NDUFAF6: variants seen among roughly 807,000 people sequenced by gnomAD.
NDUFAF6 encodes the protein NADH dehydrogenase (ubiquinone) complex I, assembly factor 6.
A neutral mutation model predicts 40.8 loss-of-function variants in NDUFAF6; 45 were observed. The observed-to-expected ratio is 1.10, with a 90% CI of 0.87 to 1.42. NDUFAF6 has a LOEUF of 1.42. Ranked by LOEUF, NDUFAF6 falls within the 40% of genes most tolerant of loss-of-function variation. The pLI, the probability that NDUFAF6 is intolerant of heterozygous loss-of-function variation, is 0.00. For missense variants in NDUFAF6, 435 were observed against 418.5 expected, an observed-to-expected ratio of 1.04 and a Z score of -0.34; for synonymous variants, 185 against 155.9, an observed-to-expected ratio of 1.19 and a Z score of -1.39.
chr8:95,116,689 T>G (rs1810143402), downstream of NDUFAF6, among the ~76,000 whole-genome samples: 1 of 152,154 alleles, frequency 6.6e-6, no homozygotes, highest in Non-Finnish European at 1.5e-5. Context: ...TATTTTGAAG[T>G]AAAAAGTACA....
At chr8:95,061,210 A>G (rs1003111928), downstream of NDUFAF6, among the ~76,000 whole-genome samples, 2 of 152,200 alleles carry the variant, frequency 1.3e-5, no homozygotes, top group Non-Finnish European at 2.9e-5. Flanking sequence ...TTTGTGAATA[A>G]AGTGACCACA....
downstream of NDUFAF6, among the ~76,000 whole-genome samples, chr8:95,105,804 T>G (rs1809827124): frequency 6.6e-6 from 1 of 151,286 alleles, no homozygotes; most frequent in Non-Finnish European, 1.5e-5. Flanking sequence ...CCTGGCCAAT[T>G]TTTGTATTTT....
rs117155997 is a variant in NDUFAF6 at position 94,936,714 on chromosome 8, T to C, written c.-935-8769T>C. ...GAAATTTGAGGGGTATATTAGGACA[T>C]GCCAGTGGCCATCAGAAGAACTCCC... On this transcript the variant is annotated intron_variant, in intron 1 of 14. Coordinates refer to the NDUFAF6 transcript ENST00000396113. Among the ~76,000 whole-genome samples, 647 of 152,208 alleles carry C rather than the reference T, an allele frequency of 4.3e-3. 26 individuals are homozygous for C. The East Asian group carries it at 0.092, about 22-fold the overall frequency.
At chr8:95,094,410 T>TA (rs1809376317) in intron 2 of NDUFAF6, among the ~76,000 whole-genome samples, 2 of 142,986 alleles carry the variant, frequency 1.4e-5, no homozygotes, top group African/African-American at 5.2e-5. Context: ...CTTTTTTTTT[T>TA]TTTTGGATTT....
intron 3 of NDUFAF6, among the ~76,000 whole-genome samples, chr8:95,037,151 T>G (rs1171972299): frequency 1.3e-5 from 2 of 152,270 alleles, no homozygotes; most frequent in Non-Finnish European, 2.9e-5. Flanking sequence ...CATTTCTCTG[T>G]ATGAATTTTA....
chr8:95,115,484 C>T (rs1437047028), intron 4 of NDUFAF6: 3 of 151,064 alleles, frequency 2.0e-5, no homozygotes, highest in African/African-American at 7.3e-5. Flanking sequence ...AAGAGTCTTG[C>T]TTCTCTGATT....
rs184975458 is a variant in NDUFAF6 at position 95,005,832 on chromosome 8, A to G, written c.-84+24859A>G. On this transcript the variant is annotated intron_variant, in intron 2 of 9. Transcript: ENST00000396111. ...ACCCCAACTGGACAGCTGGCTTCAT[A>G]TTTTAGTCTGTTAAGAGGAACCAGA... 1.1e-4 allele frequency among the ~76,000 whole-genome samples: 17 copies of G among 151,992 alleles called. No individual in the cohort carries two copies. The East Asian group carries it at 2.1e-3, about 19-fold the overall frequency.
intron 8 of NDUFAF6, among the ~76,000 whole-genome samples, chr8:95,056,558 GGGACATTGATGCATGT>G (rs1244376199): frequency 6.6e-6 from 1 of 152,022 alleles, no homozygotes; most frequent in Non-Finnish European, 1.5e-5. Flanking sequence ...CAAGGCAGCT[GGGACATTGATGCATGT>G]GTCTCCTGTT....
intron 7 of NDUFAF6, 49 bp from the exon 8 acceptor site, chr8:95,052,125 T>G (rs748978927): frequency 3.8e-5 from 59 of 1,559,572 alleles, no homozygotes; most frequent in Middle Eastern, 1.7e-4. Context: ...AGAGGGAGAG[T>G]GTTTATTTGC....
At chr8:95,053,925 CTTT>C (rs71273448) in intron 8 of NDUFAF6, among the ~76,000 whole-genome samples, 1 of 37,016 alleles carries the variant, frequency 2.7e-5, no homozygotes, top group Non-Finnish European at 5.0e-5. Context: ...CCGTGCCCGG[CTTT>C]TTTTTTTTTT....
At chr8:94,951,411 A>G (rs950991892) in intron 2 of NDUFAF6, 2 of 152,262 alleles carry the variant, frequency 1.3e-5, no homozygotes, top group Non-Finnish European at 2.9e-5. Flanking sequence ...ATGTTGGGGT[A>G]GTTTTTAAAG....
At chr8:94,935,194 A>C (rs1434763069) in intron 1 of NDUFAF6, among the ~76,000 whole-genome samples, 1 of 151,620 alleles carries the variant, frequency 6.6e-6, no homozygotes, top group African/African-American at 2.4e-5. Context: ...TACTTTTCTT[A>C]GAGTCAGAGC....
chr8:94,985,983 C>T (rs1057080047), intron 2 of NDUFAF6, among the ~76,000 whole-genome samples: 3 of 151,904 alleles, frequency 2.0e-5, no homozygotes, highest in Middle Eastern at 3.4e-3. Flanking sequence ...GAGCGATTCT[C>T]CTGCCTCAGC....
chr8:94,922,315 C>T (rs185269074), intron 1 of NDUFAF6, among the ~76,000 whole-genome samples: 271 of 151,660 alleles, frequency 1.8e-3, no homozygotes, highest in Middle Eastern at 0.01. Flanking sequence ...CGGCCAAATC[C>T]GTGTTTCAAT....
intron 1 of NDUFAF6, chr8:94,930,228 CT>C: frequency 2.1e-6 from 1 of 486,496 alleles, no homozygotes; most frequent in Non-Finnish European, 3.6e-6. Context: ...CCCCCAAACA[CT>C]GTAATTATAT....
At chr8:95,066,691 T>G (rs1230892871) in intron 9 of NDUFAF6, 2 of 152,186 alleles carry the variant, frequency 1.3e-5, no homozygotes, top group Admixed American at 1.3e-4. Flanking sequence ...TCCTTCTCCC[T>G]CTTCTAACAG....
At chr8:95,073,453 C>A (rs954495161) in intron 9 of NDUFAF6, among the ~76,000 whole-genome samples, 1 of 152,144 alleles carries the variant, frequency 6.6e-6, no homozygotes, top group Non-Finnish European at 1.5e-5. Context: ...GAGGTGAAGT[C>A]GCAGGTGCGC....
chr8:95,049,978 G>A (rs900139881), intron 7 of NDUFAF6, among the ~76,000 whole-genome samples: 10 of 152,182 alleles, frequency 6.6e-5, no homozygotes, highest in Admixed American at 5.9e-4. Context: ...TGAGGGCAAA[G>A]ACTATCTTCA....
chr8:95,059,536 C>G (rs1365597297), downstream of NDUFAF6, among the ~76,000 whole-genome samples: 1 of 152,190 alleles, frequency 6.6e-6, no homozygotes, highest in East Asian at 1.9e-4. Context: ...AGCCATTCAG[C>G]TTATCTTCAA....
Sources: allele counts gnomAD v4.1 joint callset (sites outside exome capture counted in the v4.1 genomes callset), GRCh38; gene constraint gnomAD v4.1.1; transcripts MANE v1.5; gene names NCBI Gene and HGNC (gene_info 2026-07-23, HGNC 2026-07-21).